The following MYO18A variants were observed in gnomAD, a reference collection of about 807,000 sequenced individuals.
MYO18A encodes myosin XVIIIA.
A neutral mutation model predicts 235.8 loss-of-function variants in MYO18A; 78 were observed. The observed-to-expected ratio is 0.33, with a 90% CI of 0.28 to 0.40. The LOEUF (loss-of-function observed/expected upper bound fraction) is 0.40, where lower values mean the gene tolerates loss of function less well. MYO18A is among the 10% of genes least tolerant of loss of function. The pLI is 1.00. For missense variants in MYO18A, 2,215 were observed against 2,699.3 expected, an observed-to-expected ratio of 0.82 and a Z score of 3.98; for synonymous variants, 977 against 1,077.8, an observed-to-expected ratio of 0.91 and a Z score of 1.83.
intron 3 of MYO18A, 77 bp from the exon 4 acceptor site, chr17:29,122,034 C>T (rs981715145): frequency 3.2e-6 from 5 of 1,541,308 alleles, no homozygotes; most frequent in Non-Finnish European, 3.6e-6. Flanking sequence ...TCGGTCCTAT[C>T]CTCCCCCCCA....
chr17:29,152,181 G>A (rs1669936617), intron 2 of MYO18A, among the ~76,000 whole-genome samples: 1 of 152,208 alleles, frequency 6.6e-6, no homozygotes, highest in Non-Finnish European at 1.5e-5. Context: ...GACAGACTCT[G>A]GAACTGGCAG....
chr17:29,156,888 AG>A (rs1300149294), intron 2 of MYO18A, among the ~76,000 whole-genome samples: 2 of 152,234 alleles, frequency 1.3e-5, no homozygotes, highest in Non-Finnish European at 2.9e-5. Flanking sequence ...CAGGAGCTCA[AG>A]GGTAGACGCC....
intron 2 of MYO18A, chr17:29,127,931 G>A (rs1056043239): frequency 1.6e-5 from 16 of 999,776 alleles, no homozygotes; most frequent in Non-Finnish European, 1.9e-5. Flanking sequence ...GGAGCCTGGG[G>A]TCACCAGCTC....
Position 29,166,162 on chromosome 17 carries a change from C to A in MYO18A, c.779G>T (p.Gly260Val). Residue 260 changes from glycine (G) to valine (V), a missense_variant, in exon 2 of 42, where the codon GGT (glycine) becomes GTT (valine). By Grantham distance (109) the Gly-to-Val change is moderately radical. Transcript: ENST00000527372. ...CRRVVHFAEPGAGTKDLALGL... is the reference protein window; with the variant it reads ...CRRVVHFAEPVAGTKDLALGL... ...CAGGGCCAGGTCCTTGGTGCCTGCA[C>A]CAGGCTCAGCAAAGTGGACCACACG... The A allele has an allele frequency of 6.2e-7, 1 of 1,613,058 alleles. No individual in the cohort carries two copies. The highest frequency in any genetic ancestry group is 8.5e-7 in the Non-Finnish European group (1 of 1,179,888).
intron 2 of MYO18A, among the ~76,000 whole-genome samples, chr17:29,149,736 G>A (rs1232364017): frequency 1.3e-5 from 2 of 152,072 alleles, no homozygotes; most frequent in Non-Finnish European, 2.9e-5. Context: ...CATGGCCCCC[G>A]GGGACTTCCA....
intron 41 of MYO18A, chr17:29,075,876 G>A (rs1170393918): frequency 1.3e-5 from 2 of 153,202 alleles, no homozygotes; most frequent in Non-Finnish European, 2.9e-5. Flanking sequence ...CACACTCGGC[G>A]TGGTCCCTGG....
At position 29,094,831 on chromosome 17, in the gene MYO18A, G is replaced by A. The variant is rs764266559; in HGVS notation, c.4529C>T (p.Ala1510Val). The change falls in exon 30 of 42, where the codon GCA (alanine) becomes GTA (valine). Residue 1510 changes from alanine to valine, a missense_variant. Physicochemically the swap from Ala to Val is moderately conservative, Grantham distance 64 (BLOSUM62 0). Coordinates refer to ENST00000527372, the MANE Select transcript of MYO18A (RefSeq NM_078471.4). The part of the protein sequence containing the change: ...QQLEEKDMDI[A>V]GFTQKVVSLE... ...AGACACAACCTTCTGGGTGAACCCT[G>A]CAATGTCCATGTCTTTTTCCTGGAG... is the stretch of plus-strand genomic sequence containing the variant. 5.0e-6 allele frequency: 8 copies of A among 1,614,042 alleles called. No homozygotes were observed. The East Asian group carries it at 1.8e-4, about 36-fold the overall frequency.
In MYO18A at chr17:29,090,041, G is replaced by A. The variant is rs1290283419; in HGVS notation, c.5446C>T (p.Leu1816=). The A allele has an allele frequency of 6.2e-7, 1 of 1,613,984 alleles. No individual in the cohort carries two copies. The highest frequency in any genetic ancestry group is 1.1e-5 in the South Asian group (1 of 91,056). ...FLEQSMVDKS[L]VSRQEAKIRE... ...ATCTTAGCTTCCTGCCTGCTCACCA[G>A]GGACTTGTCCACCATGGACTGCTCC... The change falls in exon 37 of 42, where the codon CTG becomes TTG. Residue 1816 remains leucine (L), a synonymous_variant. Transcript: ENST00000527372.
chr17:29,120,546 G>C lies in MYO18A; in HGVS notation c.1728+70C>G. ...CCAGGAAAATGAGGCATGGGAGAGA[G>C]CCTGATGTCTAGGTCATGAAATCAT... On this transcript the variant is annotated intron_variant, in intron 7 of 41. Transcript: ENST00000527372. This position sits in a 1 kb window ranked among gnomAD's most constrained non-coding sequence, Gnocchi z 4.2. 1 of 1,540,402 alleles carries C rather than the reference G, an allele frequency of 6.5e-7. No homozygotes were observed. Among genetic ancestry groups the C allele is most frequent in the Non-Finnish European group, 8.8e-7 (1 of 1,138,740 alleles).
At chr17:29,123,982 A>T (rs2067259656) in intron 2 of MYO18A, among the ~76,000 whole-genome samples, 2 of 151,828 alleles carry the variant, frequency 1.3e-5, no homozygotes, top group Non-Finnish European at 2.9e-5. Context: ...CAGGAGGTGG[A>T]GCTTGCAGTG....
Position 29,122,346 on chromosome 17 carries a change from G to C in MYO18A, c.1000-93C>G, listed in dbSNP as rs2067221947. 12 of 1,145,174 alleles carry C rather than the reference G, an allele frequency of 1.0e-5. 1 individual carries two copies. The South Asian group carries it at 1.5e-4, about 14-fold the overall frequency. 70.9% of individuals were successfully genotyped at this position (1,145,174 alleles called of 1,614,324 possible). ...GGAGACAAGTGAGGGCATGGGCTTT[G>C]AGACAAGCCACTGGGCAAGGAATGA... On this transcript the variant is annotated intron_variant, in intron 2 of 41. Transcript: ENST00000527372.
chr17:29,171,920 C>A (rs940188270), intron 1 of MYO18A, among the ~76,000 whole-genome samples: 4 of 149,242 alleles, frequency 2.7e-5, no homozygotes, highest in East Asian at 2.0e-4. Context: ...AAAAAAAAAA[C>A]CATAGCCTGA....
intron 2 of MYO18A, among the ~76,000 whole-genome samples, chr17:29,150,882 A>ATGCT (rs1272682315): frequency 1.3e-5 from 2 of 152,194 alleles, no homozygotes; most frequent in East Asian, 3.8e-4. Context: ...GTAGAAACAG[A>ATGCT]TGCTTGTCAA....
chr17:29,098,583 A>C (rs1161611872), intron 23 of MYO18A, 138 bp from the exon 24 acceptor site: 1 of 1,103,290 alleles, frequency 9.1e-7, no homozygotes, highest in African/African-American at 1.6e-5. Context: ...CCAATAGCAG[A>C]GCCACTGCCT....
intron 2 of MYO18A, among the ~76,000 whole-genome samples, chr17:29,148,388 C>T (rs2067892675): frequency 6.6e-6 from 1 of 152,134 alleles, no homozygotes; most frequent in Admixed American, 6.5e-5. Flanking sequence ...AGCTCAGGGC[C>T]AGGAGGGCCT....
chr17:29,110,026 C>A lies in MYO18A; in HGVS notation c.3163G>T (p.Ala1055Ser). Residue 1055 changes from alanine (A) to serine (S), a missense_variant, in exon 19 of 42, where the codon GCT (alanine) becomes TCT (serine). Transcript: ENST00000527372. ...HCFLPVAEGW[A>S]GEPRSASSRR... is the part of the protein sequence containing the mutation. ...GAGGAGGCGGAACGGGGCTCCCCAGCCCAGCCCTCAGCTACAGGCAGGAAG... is the reference window on the plus strand; with the variant it reads ...GAGGAGGCGGAACGGGGCTCCCCAGACCAGCCCTCAGCTACAGGCAGGAAG... 6.2e-7 allele frequency: 1 copy of A among 1,613,136 alleles called. No individual in the cohort carries two copies. The highest frequency in any genetic ancestry group is 8.5e-7 in the Non-Finnish European group (1 of 1,179,792).
chr17:29,148,596 G>A (rs2067899005), intron 2 of MYO18A, among the ~76,000 whole-genome samples: 1 of 151,848 alleles, frequency 6.6e-6, no homozygotes, highest in South Asian at 2.1e-4. Flanking sequence ...GTGTGTGTGT[G>A]TGTGTGTGTG....
intron 11 of MYO18A, among the ~76,000 whole-genome samples, chr17:29,116,165 A>T (rs1212131282): frequency 2.6e-5 from 4 of 152,228 alleles, no homozygotes; most frequent in Non-Finnish European, 2.9e-5. Context: ...TCAGAGGATG[A>T]ACCAGCCCAC....
Position 29,086,510 on chromosome 17 carries a change from T to C in MYO18A, c.5780A>G (p.Lys1927Arg), listed in dbSNP as rs201048224. 353 of 1,612,676 alleles carry C rather than the reference T, an allele frequency of 2.2e-4. No individual in the cohort carries two copies. The highest frequency in any genetic ancestry group is 2.6e-4 in the Non-Finnish European group (311 of 1,179,402). Residue 1927 changes from lysine (K) to arginine (R), a missense_variant, in exon 39 of 42, where the codon AAG (lysine) becomes AGG (arginine). By Grantham distance (26) the Lys-to-Arg change is conservative. Coordinates refer to ENST00000527372, the MANE Select transcript of MYO18A (RefSeq NM_078471.4). ...SLQADLKLAF[K>R]RIGDLQAAIE... ...GGCAGCCTGCAGGTCCCCGATGCGC[T>C]TGAATGCCAACTTTAGGTCAGCCTG...
Sources: gnomAD v4.1 joint callset for allele counts (sites outside exome capture counted in the v4.1 genomes callset) on GRCh38, gnomAD v4.1.1 for gene constraint, Gnocchi (gnomAD v3.1) non-coding constraint, MANE v1.5 for transcripts, NCBI Gene and HGNC (gene_info 2026-07-23, HGNC 2026-07-21) for gene names.